The following DNAI7 variants were observed in gnomAD, a reference collection of about 807,000 sequenced individuals.
The protein encoded by DNAI7 is cancer susceptibility 1.
A neutral mutation model predicts 86.6 loss-of-function variants in DNAI7; 78 were observed. That is an observed-to-expected ratio of 0.90 (90% CI 0.75 to 1.09). The LOEUF (loss-of-function observed/expected upper bound fraction) is 1.09. DNAI7 is among the 50% of genes least tolerant of loss of function. The probability of loss-of-function intolerance (pLI) is 0.00; values close to 1 mark genes in which losing one functional copy is unlikely to be tolerated. For synonymous variants in DNAI7, 274 were observed against 273.0 expected, an observed-to-expected ratio of 1.00 and a Z score of -0.04; for missense variants, 753 against 810.2, an observed-to-expected ratio of 0.93 and a Z score of 0.86.
chr12:25,108,704 T>G lies in DNAI7; in HGVS notation c.2013A>C (p.Ala671=), dbSNP rs1200128600. Residue 671 remains alanine, a synonymous_variant, in exon 16 of 16, where the codon GCA becomes GCC. Transcript: ENST00000395987. ...AATGAAACTCAGTTTCTTCTTTAAG[T>G]GCTTCAGAAAATGCCTCACTCTCTT... ...IKEESEAFSE[A]LKEETEFHST... 9 of 1,613,160 alleles carry G rather than the reference T, an allele frequency of 5.6e-6. No homozygotes were observed. Among genetic ancestry groups the G allele is most frequent in the Non-Finnish European group, 6.8e-6 (8 of 1,179,798 alleles).
rs922442713 is a variant in DNAI7, at chr12:25,154,349, T to G, written c.408A>C (p.Glu136Asp). 6.2e-7 allele frequency: 1 copy of G among 1,610,078 alleles called. No homozygotes were observed. The highest frequency in any genetic ancestry group is 8.5e-7 in the Non-Finnish European group (1 of 1,179,118). ...WKEKTNETFE[E>D]VIEKSKVVLN... ...GCACTACTTTACTCTTCTCAATCAC[T>G]TCCTCAAAAGTCTCATTTGTTTTCT... is the stretch of plus-strand genomic sequence containing the variant. The change falls in exon 6 of 16, where the codon GAA becomes GAC. Residue 136 changes from glutamate to aspartate, a missense_variant. By Grantham distance (45) the Glu-to-Asp change is conservative (BLOSUM62 2). Coordinates refer to ENST00000395987, the MANE Select transcript of DNAI7 (RefSeq NM_018272.5).
In DNAI7 at chr12:25,122,188, G is replaced by T. The variant is rs180825898; in HGVS notation, c.1079-275C>A. Among the ~76,000 whole-genome samples, 5 of 152,228 alleles carry T rather than the reference G, an allele frequency of 3.3e-5. No homozygotes were observed. The East Asian group carries it at 9.6e-4, about 29-fold the overall frequency. The stretch of plus-strand genomic sequence containing the variant: ...GTTATTATTAAAATGAAAACAGGCT[G>T]GGGGCAGTGATTCATGCCCACTACT... On this transcript the variant is annotated intron_variant, in intron 10 of 15. Transcript: ENST00000395987.
chr12:25,134,306 TA>T (rs1223896159), intron 9 of DNAI7, among the ~76,000 whole-genome samples: 1 of 150,418 alleles, frequency 6.6e-6, no homozygotes, highest in Non-Finnish European at 1.5e-5. Flanking sequence ...TCAAATTTGA[TA>T]AAATGTGCAT....
intron 12 of DNAI7, among the ~76,000 whole-genome samples, chr12:25,118,140 G>C (rs1940543473): frequency 6.6e-6 from 1 of 151,852 alleles, no homozygotes; most frequent in Non-Finnish European, 1.5e-5. Context: ...CACTATGTTG[G>C]CCAGGCTCTC....
intron 6 of DNAI7, among the ~76,000 whole-genome samples, chr12:25,153,040 A>C (rs10842487): frequency 1 from 151,947 of 152,272 alleles, 75,815 homozygotes; most frequent in Non-Finnish European, 1. Flanking sequence ...GTTACTCTAT[A>C]ATACATGCCT....
intron 9 of DNAI7, 67 bp downstream of exon 9, chr12:25,144,298 A>C: frequency 7.6e-7 from 1 of 1,315,750 alleles, no homozygotes; most frequent in Non-Finnish European, 1.0e-6. Flanking sequence ...TCTTGAGAAC[A>C]CTTTAAGGGA....
chr12:25,190,574 TG>T, intron 2 of DNAI7, 39 bp downstream of exon 2: 1 of 950,016 alleles, frequency 1.1e-6, no homozygotes, highest in East Asian at 2.6e-5. Flanking sequence ...ACACTGTAAG[TG>T]ATTATACAAC....
At chr12:25,114,030 C>T (rs2140369460) in intron 13 of DNAI7, among the ~76,000 whole-genome samples, 1 of 147,348 alleles carries the variant, frequency 6.8e-6, no homozygotes, top group African/African-American at 2.5e-5. Context: ...ATGGCAACCT[C>T]CCCTTCCCAG....
intron 2 of DNAI7, among the ~76,000 whole-genome samples, chr12:25,180,997 G>A (rs1359140453): frequency 4.6e-5 from 7 of 152,054 alleles, no homozygotes; most frequent in African/African-American, 1.2e-4. Context: ...TAGTAGACAC[G>A]GGGTTTCGCC....
intron 13 of DNAI7, among the ~76,000 whole-genome samples, chr12:25,112,489 C>G (rs1939105728): frequency 7.0e-6 from 1 of 143,356 alleles, no homozygotes; most frequent in African/African-American, 2.6e-5. Context: ...TCACTGCAAG[C>G]TCTGCCTCCC....
At chr12:25,187,415 A>T (rs972608601) in intron 2 of DNAI7, among the ~76,000 whole-genome samples, 2 of 152,110 alleles carry the variant, frequency 1.3e-5, no homozygotes, top group African/African-American at 4.8e-5. Flanking sequence ...ATGACCTCTT[A>T]GTTTCTATGT....
chr12:25,136,316 T>C (rs1943549645), intron 9 of DNAI7, among the ~76,000 whole-genome samples: 1 of 152,050 alleles, frequency 6.6e-6, no homozygotes, highest in African/African-American at 2.4e-5. Flanking sequence ...GTAATAATAA[T>C]AACTGCATTC....
intron 6 of DNAI7, among the ~76,000 whole-genome samples, chr12:25,151,127 G>A (rs758536405): frequency 6.6e-6 from 1 of 152,130 alleles, no homozygotes; most frequent in African/African-American, 2.4e-5. Flanking sequence ...CGTAGCGTAG[G>A]GTAGTATGGA....
chr12:25,118,336 T>C (rs557040886), intron 12 of DNAI7, among the ~76,000 whole-genome samples: 2 of 152,240 alleles, frequency 1.3e-5, no homozygotes, highest in East Asian at 3.9e-4. Context: ...CCATCTTGGC[T>C]CACTGCAACC....
intron 6 of DNAI7, among the ~76,000 whole-genome samples, chr12:25,150,963 A>T (rs1460539773): frequency 6.6e-6 from 1 of 152,170 alleles, no homozygotes; most frequent in Non-Finnish European, 1.5e-5. Context: ...CTTCATTATA[A>T]CTCTATGAGG....
At chr12:25,144,941 C>T (rs1035121999) in intron 8 of DNAI7, among the ~76,000 whole-genome samples, 5 of 152,158 alleles carry the variant, frequency 3.3e-5, no homozygotes, top group African/African-American at 1.2e-4. Context: ...TCCTAACCAT[C>T]CCTTCAATGT....
Position 25,190,640 on chromosome 12 carries a change from T to TG in DNAI7, c.4-10dup. On this transcript the variant is annotated splice_polypyrimidine_tract_variant and intron_variant, in intron 1 of 15. Coordinates refer to ENST00000395987, the MANE Select transcript of DNAI7 (RefSeq NM_018272.5). ...TTTTTTGCTTTGGGACCCTAAAAGT[T>TG]GGAAAACAAAAGAATTGATCAATTT... 1.4e-6 allele frequency: 2 copies of TG among 1,407,638 alleles called. No homozygotes were observed. The highest frequency in any genetic ancestry group is 1.9e-6 in the Non-Finnish European group (2 of 1,031,286). 87.2% of individuals were successfully genotyped at this position (1,407,638 alleles called of 1,614,324 possible).
chr12:25,169,267 TCTC>T (rs1947856340), intron 2 of DNAI7, among the ~76,000 whole-genome samples: 4 of 152,028 alleles, frequency 2.6e-5, no homozygotes. Flanking sequence ...TGAAATTCCT[TCTC>T]CTGGCTCATC....
At chr12:25,108,231 A>G (rs11047837), downstream of DNAI7, 88,567 of 670,326 alleles carry the variant, frequency 0.13, 6,858 homozygotes, top group Admixed American at 0.17. Context: ...CTAAAATACA[A>G]TGGGGAAGAA....
Sources: allele counts gnomAD v4.1 joint callset (sites outside exome capture counted in the v4.1 genomes callset), GRCh38; gene constraint gnomAD v4.1.1; transcripts MANE v1.5; gene names NCBI Gene and HGNC (gene_info 2026-07-23, HGNC 2026-07-21).